Variants in SLC24A3 observed in about 807,000 individuals in gnomAD.
SLC24A3 encodes solute carrier family 24 member 3, also known as sodium/potassium/calcium exchanger 3.
SLC24A3 carries 28 observed loss-of-function variants against 75.8 expected under a neutral mutation model. That is an observed-to-expected ratio of 0.37 (90% CI 0.27 to 0.51). The LOEUF (loss-of-function observed/expected upper bound fraction) is 0.51. SLC24A3 is among the 20% of genes least tolerant of loss of function. The pLI is 0.94. For missense variants in SLC24A3, 663 were observed against 847.8 expected, an observed-to-expected ratio of 0.78 and a Z score of 2.71; for synonymous variants, 372 against 334.1, an observed-to-expected ratio of 1.11 and a Z score of -1.24.
chr20:19,569,185 TA>T (rs1269286343), intron 3 of SLC24A3, among the ~76,000 whole-genome samples: 1 of 152,208 alleles, frequency 6.6e-6, no homozygotes, highest in Non-Finnish European at 1.5e-5. Flanking sequence ...ACAGGGGATG[TA>T]AGATGCCATA....
intron 2 of SLC24A3, among the ~76,000 whole-genome samples, chr20:19,440,116 G>A (rs1600230705): frequency 6.6e-6 from 1 of 152,218 alleles, no homozygotes; most frequent in African/African-American, 2.4e-5. Context: ...ACTGAAAACA[G>A]ACATCGTTCT....
intron 2 of SLC24A3, among the ~76,000 whole-genome samples, chr20:19,447,928 G>T (rs1987414181): frequency 2.0e-5 from 3 of 152,240 alleles, no homozygotes; most frequent in Non-Finnish European, 4.4e-5. Context: ...ATGCATACAT[G>T]CGTGAATGAA....
At chr20:19,480,608 C>T (rs1429174545) in intron 2 of SLC24A3, among the ~76,000 whole-genome samples, 2 of 152,190 alleles carry the variant, frequency 1.3e-5, no homozygotes, top group Non-Finnish European at 1.5e-5. Context: ...TGACAACTAG[C>T]CCATTCAGCT....
At chr20:19,447,419 G>C (rs1358988885) in intron 2 of SLC24A3, among the ~76,000 whole-genome samples, 3 of 152,102 alleles carry the variant, frequency 2.0e-5, no homozygotes, top group Admixed American at 6.6e-5. Flanking sequence ...CTACTGGAAG[G>C]AAGGGAATAC....
intron 1 of SLC24A3, among the ~76,000 whole-genome samples, chr20:19,228,809 G>A (rs562969145): frequency 1.3e-5 from 2 of 152,202 alleles, no homozygotes; most frequent in African/African-American, 4.8e-5. Flanking sequence ...TATGATGCTG[G>A]ATTTTATTTA....
chr20:19,542,729 G>A (rs1046930408), intron 3 of SLC24A3, among the ~76,000 whole-genome samples: 1 of 152,292 alleles, frequency 6.6e-6, no homozygotes, highest in African/African-American at 2.4e-5. Context: ...GAGTATTGGT[G>A]GGGGGCTATG....
At chr20:19,623,573 AAATT>A (rs2031832158) in intron 6 of SLC24A3, among the ~76,000 whole-genome samples, 1 of 152,196 alleles carries the variant, frequency 6.6e-6, no homozygotes, top group Non-Finnish European at 1.5e-5. Context: ...ACCCAAACTT[AAATT>A]AATTATTTTT....
intron 2 of SLC24A3, among the ~76,000 whole-genome samples, chr20:19,372,707 C>T (rs1464097139): frequency 6.6e-6 from 1 of 152,142 alleles, no homozygotes; most frequent in Non-Finnish European, 1.5e-5. Flanking sequence ...CTGCTGGTCA[C>T]CTTAGTTATG....
chr20:19,302,729 T>G (rs1984223678), intron 2 of SLC24A3, among the ~76,000 whole-genome samples: 1 of 152,246 alleles, frequency 6.6e-6, no homozygotes, highest in Non-Finnish European at 1.5e-5. Context: ...ATATTTGTGA[T>G]GTTCATTCCA....
intron 9 of SLC24A3, among the ~76,000 whole-genome samples, chr20:19,679,839 A>C (rs1161488199): frequency 6.6e-6 from 1 of 151,796 alleles, no homozygotes; most frequent in African/African-American, 2.4e-5. Context: ...GTGGCCCATG[A>C]CTTGCTGCTG....
chr20:19,424,742 C>CAAAAAA (rs1568614237), intron 2 of SLC24A3, among the ~76,000 whole-genome samples: 1 of 4,788 alleles, frequency 2.1e-4, no homozygotes, highest in African/African-American at 7.6e-4. Flanking sequence ...AAAAAAACAA[C>CAAAAAA]AACAAAAAAA....
At chr20:19,474,810 G>C (rs1987935070) in intron 2 of SLC24A3, among the ~76,000 whole-genome samples, 2 of 152,082 alleles carry the variant, frequency 1.3e-5, no homozygotes, top group African/African-American at 4.8e-5. Context: ...CTCTACAACA[G>C]ATCTTTAGAA....
chr20:19,592,168 G>T (rs1380714745), intron 6 of SLC24A3, among the ~76,000 whole-genome samples: 1 of 152,180 alleles, frequency 6.6e-6, no homozygotes, highest in African/African-American at 2.4e-5. Flanking sequence ...TTGAGCACGA[G>T]TGGCACGTCA....
intron 2 of SLC24A3, among the ~76,000 whole-genome samples, chr20:19,413,561 T>G (rs554894829): frequency 4.7e-4 from 71 of 152,314 alleles, no homozygotes; most frequent in African/African-American, 1.5e-3. Context: ...ATTGCCCCCC[T>G]GGTTGCTTGT....
intron 1 of SLC24A3, among the ~76,000 whole-genome samples, chr20:19,257,025 T>G (rs1330494189): frequency 6.6e-6 from 1 of 152,200 alleles, no homozygotes; most frequent in Non-Finnish European, 1.5e-5. Flanking sequence ...AGGACCTTCC[T>G]AGTTCCAAAA....
intron 2 of SLC24A3, among the ~76,000 whole-genome samples, chr20:19,403,141 A>G (rs1177863613): frequency 1.3e-5 from 2 of 152,210 alleles, no homozygotes; most frequent in African/African-American, 4.8e-5. Context: ...AATAAGCCCA[A>G]AAACTGGGGA....
chr20:19,338,753 A>G (rs181824966), intron 2 of SLC24A3, among the ~76,000 whole-genome samples: 2 of 152,320 alleles, frequency 1.3e-5, no homozygotes, highest in Admixed American at 1.3e-4. Context: ...TAGGAGTAAT[A>G]ACAGTGCTTA....
At chr20:19,270,498 C>T (rs1392081332) in intron 1 of SLC24A3, among the ~76,000 whole-genome samples, 2 of 152,116 alleles carry the variant, frequency 1.3e-5, no homozygotes, top group Non-Finnish European at 2.9e-5. Flanking sequence ...CCAGCGTGGT[C>T]AGGTTCTGGT....
At chr20:19,295,289 G>T (rs529553901) in intron 2 of SLC24A3, among the ~76,000 whole-genome samples, 10 of 152,154 alleles carry the variant, frequency 6.6e-5, no homozygotes, top group Admixed American at 1.3e-4. Context: ...CTAGATATGG[G>T]TTCATGTAAT....
Sources: gnomAD v4.1 joint callset for allele counts (sites outside exome capture counted in the v4.1 genomes callset) on GRCh38, gnomAD v4.1.1 for gene constraint, MANE v1.5 for transcripts, NCBI Gene and HGNC (gene_info 2026-07-23, HGNC 2026-07-21) for gene names.